The following RBMS3 variants were observed in gnomAD, a reference collection of about 807,000 sequenced individuals.
RBMS3 encodes RNA binding motif single stranded interacting protein 3.
Under a neutral mutation model 66.8 loss-of-function variants are expected in RBMS3, and 27 were observed. The ratio of observed to expected loss-of-function variants is 0.40; its 90% CI spans 0.30 to 0.56. The LOEUF (loss-of-function observed/expected upper bound fraction) is 0.56, where lower values mean the gene tolerates loss of function less well. Ranked by LOEUF, RBMS3 falls within the 20% of genes least tolerant of loss-of-function variation. The pLI is 0.40. For synonymous variants in RBMS3, 188 were observed against 183.0 expected, an observed-to-expected ratio of 1.03 and a Z score of -0.22; for missense variants, 513 against 549.5, an observed-to-expected ratio of 0.93 and a Z score of 0.66.
intron 3 of RBMS3, among the ~76,000 whole-genome samples, chr3:29,496,578 T>G (rs1559411653): frequency 1.3e-5 from 2 of 152,192 alleles, no homozygotes; most frequent in Admixed American, 6.5e-5. Flanking sequence ...GGAAAGAATA[T>G]CCACTTTGAT....
intron 3 of RBMS3, among the ~76,000 whole-genome samples, chr3:29,528,508 C>T (rs1404794798): frequency 6.6e-6 from 1 of 152,156 alleles, no homozygotes; most frequent in Non-Finnish European, 1.5e-5. Context: ...ACACATTATT[C>T]AAGTGTCTTT....
At chr3:29,462,016 TC>T (rs2042389472) in intron 2 of RBMS3, among the ~76,000 whole-genome samples, 1 of 146,124 alleles carries the variant, frequency 6.8e-6, no homozygotes, top group South Asian at 2.2e-4. Context: ...GACCTCATGA[TC>T]CGCCCGTCTC....
chr3:29,640,939 G>C (rs1485508655), intron 4 of RBMS3, among the ~76,000 whole-genome samples: 10 of 151,764 alleles, frequency 6.6e-5, no homozygotes, highest in African/African-American at 2.4e-4. Flanking sequence ...TACTTCATAG[G>C]GCTTTTGTGA....
intron 7 of RBMS3, among the ~76,000 whole-genome samples, chr3:29,881,062 C>A (rs752186780): frequency 2.6e-5 from 4 of 152,102 alleles, no homozygotes; most frequent in Non-Finnish European, 5.9e-5. Context: ...TCCATCCTTA[C>A]CTTTTGAGTC....
chr3:29,999,589 T>A (rs1699478269), intron 14 of RBMS3, among the ~76,000 whole-genome samples: 1 of 152,288 alleles, frequency 6.6e-6, no homozygotes, highest in South Asian at 2.1e-4. Context: ...CAAAAAATGA[T>A]GAGTTCATGT....
At chr3:29,628,687 GA>G (rs1204793191) in intron 4 of RBMS3, among the ~76,000 whole-genome samples, 21 of 151,848 alleles carry the variant, frequency 1.4e-4, no homozygotes, top group Non-Finnish European at 2.8e-4. Context: ...TATAACACAA[GA>G]AAAGAAAAAA....
At chr3:29,980,770 G>A (rs1377420167) in intron 12 of RBMS3, among the ~76,000 whole-genome samples, 3 of 152,126 alleles carry the variant, frequency 2.0e-5, no homozygotes, top group Admixed American at 1.3e-4. Flanking sequence ...TGAGGCCTCT[G>A]TTCTTTTCCC....
chr3:29,695,675 G>A (rs1277348319), intron 4 of RBMS3, among the ~76,000 whole-genome samples: 1 of 152,032 alleles, frequency 6.6e-6, no homozygotes, highest in Non-Finnish European at 1.5e-5. Flanking sequence ...AGTAATTACA[G>A]GAAGTTATGA....
At chr3:29,882,314 T>C (rs2059755376) in intron 7 of RBMS3, among the ~76,000 whole-genome samples, 1 of 152,060 alleles carries the variant, frequency 6.6e-6, no homozygotes, top group Non-Finnish European at 1.5e-5. Flanking sequence ...GCCTCTCCCA[T>C]GGCAAAAAAA....
intron 6 of RBMS3, among the ~76,000 whole-genome samples, chr3:29,836,988 C>T (rs1228101952): frequency 1.3e-5 from 2 of 151,982 alleles, no homozygotes; most frequent in Non-Finnish European, 2.9e-5. Context: ...AGATGGTGAC[C>T]TTACTATTCA....
chr3:29,522,065 A>T (rs530893285), intron 3 of RBMS3, among the ~76,000 whole-genome samples: 3 of 152,364 alleles, frequency 2.0e-5, no homozygotes, highest in African/African-American at 7.2e-5. Flanking sequence ...TTTAGTTAGG[A>T]AAATGGAAAC....
intron 6 of RBMS3, among the ~76,000 whole-genome samples, chr3:29,813,173 C>T (rs1250912242): frequency 6.6e-6 from 1 of 152,022 alleles, no homozygotes; most frequent in Non-Finnish European, 1.5e-5. Context: ...TTCATAGGCC[C>T]TTAACTAATT....
chr3:29,648,041 G>A (rs980415882), intron 4 of RBMS3, among the ~76,000 whole-genome samples: 24 of 151,900 alleles, frequency 1.6e-4, no homozygotes, highest in Admixed American at 1.4e-3. Context: ...CCAGTGGGAT[G>A]GGCAGACCAC....
chr3:29,525,536 A>G (rs984355139), intron 3 of RBMS3, among the ~76,000 whole-genome samples: 11 of 152,208 alleles, frequency 7.2e-5, no homozygotes, highest in Non-Finnish European at 1.5e-4. Flanking sequence ...TAAAAGTAGC[A>G]TGGTATGCAA....
intron 1 of RBMS3, among the ~76,000 whole-genome samples, chr3:29,319,112 A>G (rs1267253250): frequency 6.6e-6 from 1 of 151,988 alleles, no homozygotes; most frequent in Middle Eastern, 3.2e-3. Flanking sequence ...GGATCCAGCC[A>G]GAGATCAGAT....
At chr3:29,430,516 T>G (rs1354954033) in intron 1 of RBMS3, among the ~76,000 whole-genome samples, 2 of 152,198 alleles carry the variant, frequency 1.3e-5, no homozygotes, top group Non-Finnish European at 2.9e-5. Flanking sequence ...TTTTGTTAAT[T>G]TTTTTCCCTG....
At chr3:29,342,251 G>A (rs1398252953) in intron 1 of RBMS3, among the ~76,000 whole-genome samples, 2 of 152,130 alleles carry the variant, frequency 1.3e-5, no homozygotes, top group African/African-American at 4.8e-5. Flanking sequence ...CATCCGAGGA[G>A]ATTTGAGACC....
intron 2 of RBMS3, among the ~76,000 whole-genome samples, chr3:29,479,548 G>A (rs1056775681): frequency 1.5e-4 from 23 of 150,078 alleles, no homozygotes; most frequent in African/African-American, 5.6e-4. Flanking sequence ...TATAAATAAA[G>A]TACTGGGTGC....
chr3:29,561,176 C>G (rs146864693), intron 3 of RBMS3, among the ~76,000 whole-genome samples: 1 of 152,026 alleles, frequency 6.6e-6, no homozygotes, highest in East Asian at 1.9e-4. Context: ...TCTTTGCTAT[C>G]GTGAATAGTG....
Sources: gnomAD v4.1 joint callset for allele counts (sites outside exome capture counted in the v4.1 genomes callset) on GRCh38, gnomAD v4.1.1 for gene constraint, MANE v1.5 for transcripts, NCBI Gene and HGNC (gene_info 2026-07-23, HGNC 2026-07-21) for gene names.